Variants in APPBP2 observed in about 807,000 individuals in gnomAD.
APPBP2 encodes amyloid protein-binding protein 2.
In APPBP2, 15 loss-of-function variants were observed where a neutral mutation model predicts 76.0. The observed-to-expected ratio is 0.20, with a 90% CI of 0.13 to 0.30. The LOEUF is 0.30. Ranked by LOEUF, APPBP2 falls within the 10% of genes least tolerant of loss-of-function variation. APPBP2 has a pLI of 1.00. For synonymous variants in APPBP2, 222 were observed against 242.2 expected, an observed-to-expected ratio of 0.92 and a Z score of 0.77; for missense variants, 401 against 687.2, an observed-to-expected ratio of 0.58 and a Z score of 4.66.
intron 4 of APPBP2, 107 bp from the exon 5 acceptor site, chr17:60,466,566 C>T (rs1266962485): frequency 2.0e-5 from 22 of 1,123,048 alleles, no homozygotes; most frequent in Admixed American, 4.7e-5. Flanking sequence ...AATACAATTA[C>T]AAGGCAGCAT....
At chr17:60,491,110 G>A (rs2090725541) in intron 3 of APPBP2, among the ~76,000 whole-genome samples, 2 of 152,162 alleles carry the variant, frequency 1.3e-5, no homozygotes, top group African/African-American at 4.8e-5. Context: ...AAAAATGTAG[G>A]AAAAGTTTGG....
At chr17:60,500,900 G>C (rs1040242630) in intron 1 of APPBP2, among the ~76,000 whole-genome samples, 1 of 152,088 alleles carries the variant, frequency 6.6e-6, no homozygotes, top group Non-Finnish European at 1.5e-5. Flanking sequence ...GTTCAGTCCT[G>C]GTTATAACAC....
At chr17:60,522,875 A>T (rs533858403) in intron 1 of APPBP2, among the ~76,000 whole-genome samples, 12,326 of 151,234 alleles carry the variant, frequency 0.082, 1,662 homozygotes, top group African/African-American at 0.28. Flanking sequence ...TTTTTTTTTA[A>T]AAAAAAGAAA....
intron 1 of APPBP2, among the ~76,000 whole-genome samples, chr17:60,517,361 A>T (rs1355317777): frequency 6.6e-6 from 1 of 151,642 alleles, no homozygotes; most frequent in Non-Finnish European, 1.5e-5. Flanking sequence ...ATCTTCTCCC[A>T]CTCTGTGGCT....
intron 1 of APPBP2, among the ~76,000 whole-genome samples, chr17:60,517,826 T>C (rs1419275302): frequency 6.6e-6 from 1 of 152,248 alleles, no homozygotes; most frequent in Non-Finnish European, 1.5e-5. Flanking sequence ...TTCATCGTCA[T>C]GATTACCTTG....
chr17:60,511,122 A>C (rs2090908897), intron 1 of APPBP2, among the ~76,000 whole-genome samples: 1 of 152,220 alleles, frequency 6.6e-6, no homozygotes, highest in South Asian at 2.1e-4. Context: ...AAATCTAGTT[A>C]GATGTAAGGC....
chr17:60,508,952 A>C (rs1483758452), intron 1 of APPBP2, among the ~76,000 whole-genome samples: 2 of 152,244 alleles, frequency 1.3e-5, no homozygotes, highest in Non-Finnish European at 2.9e-5. Flanking sequence ...GTGTTTCTTA[A>C]CAAGTAAATT....
intron 4 of APPBP2, among the ~76,000 whole-genome samples, chr17:60,471,636 T>C (rs1598353947): frequency 6.6e-6 from 1 of 152,100 alleles, no homozygotes; most frequent in East Asian, 1.9e-4. Flanking sequence ...TGTTCTTACG[T>C]TGAACCACCC....
intron 9 of APPBP2, among the ~76,000 whole-genome samples, chr17:60,458,781 T>TTG (rs1555631062): frequency 6.0e-5 from 9 of 150,958 alleles, no homozygotes; most frequent in African/African-American, 2.0e-4. Flanking sequence ...TTTTTTTTTT[T>TTG]GTTTTTTTTT....
intron 3 of APPBP2, among the ~76,000 whole-genome samples, chr17:60,485,693 A>C (rs1256673590): frequency 6.6e-6 from 1 of 151,854 alleles, no homozygotes; most frequent in Non-Finnish European, 1.5e-5. Flanking sequence ...TTGTGTCTCT[A>C]TCTCCTTCAG....
chr17:60,498,296 A>G (rs1472198809), intron 2 of APPBP2, among the ~76,000 whole-genome samples: 2 of 152,278 alleles, frequency 1.3e-5, no homozygotes, highest in Admixed American at 1.3e-4. Context: ...AGGCAGAACA[A>G]ATTATCTTCT....
At chr17:60,449,626 T>C (rs957443378) in intron 12 of APPBP2, among the ~76,000 whole-genome samples, 3 of 151,872 alleles carry the variant, frequency 2.0e-5, no homozygotes, top group African/African-American at 7.3e-5. Flanking sequence ...AAAAAGTCTT[T>C]TGAAGAAATG....
At chr17:60,488,145 G>A (rs1214873168) in intron 3 of APPBP2, among the ~76,000 whole-genome samples, 1 of 152,178 alleles carries the variant, frequency 6.6e-6, no homozygotes, top group Non-Finnish European at 1.5e-5. Flanking sequence ...CTACTGGGAG[G>A]TGTCTCACAG....
chr17:60,489,477 G>A (rs1025549988), intron 3 of APPBP2, among the ~76,000 whole-genome samples: 34 of 151,794 alleles, frequency 2.2e-4, no homozygotes, highest in African/African-American at 7.5e-4. Context: ...TGAGTGTGGT[G>A]GCGCATGCCT....
intron 9 of APPBP2, among the ~76,000 whole-genome samples, chr17:60,457,335 T>C (rs1445807062): frequency 2.0e-5 from 3 of 152,182 alleles, no homozygotes; most frequent in Non-Finnish European, 4.4e-5. Flanking sequence ...CCACTAGTTT[T>C]CTCAAATCTG....
intron 12 of APPBP2, among the ~76,000 whole-genome samples, chr17:60,451,388 T>C (rs1349845148): frequency 6.6e-6 from 1 of 152,240 alleles, no homozygotes; most frequent in Non-Finnish European, 1.5e-5. Flanking sequence ...ATGTTCCAGA[T>C]GATTTTTGGG....
At chr17:60,512,108 A>T (rs9303420) in intron 1 of APPBP2, among the ~76,000 whole-genome samples, 11,660 of 146,324 alleles carry the variant, frequency 0.08, 1,628 homozygotes, top group African/African-American at 0.3. Flanking sequence ...TATTATTATT[A>T]TTTTCTTTTT....
At chr17:60,520,050 C>T (rs2090996267) in intron 1 of APPBP2, among the ~76,000 whole-genome samples, 1 of 151,880 alleles carries the variant, frequency 6.6e-6, no homozygotes, top group South Asian at 2.1e-4. Context: ...CCCCAAAGTG[C>T]TGAGATTACA....
intron 9 of APPBP2, chr17:60,460,144 AC>A (rs2090466138): frequency 6.6e-6 from 1 of 152,348 alleles, no homozygotes; most frequent in Non-Finnish European, 1.5e-5. Flanking sequence ...ATGAAAATAT[AC>A]AAGTCTCAAT....
Sources: gnomAD v4.1 joint callset for allele counts (sites outside exome capture counted in the v4.1 genomes callset) on GRCh38, gnomAD v4.1.1 for gene constraint, MANE v1.5 for transcripts, NCBI Gene and HGNC (gene_info 2026-07-23, HGNC 2026-07-21) for gene names.